Variants in GALNT9 observed in about 807,000 individuals in gnomAD.
The protein encoded by GALNT9 is polypeptide N-acetylgalactosaminyltransferase 9, also known as GalNAc transferase 9.
Under a neutral mutation model 63.1 loss-of-function variants are expected in GALNT9, and 47 were observed. The observed-to-expected ratio is 0.75, with a 90% confidence interval of 0.59 to 0.95. The LOEUF is 0.95. GALNT9 is among the 40% of genes least tolerant of loss of function. The pLI, the probability that GALNT9 is intolerant of heterozygous loss-of-function variation, is 0.00. For missense variants in GALNT9, 829 were observed against 874.8 expected, an observed-to-expected ratio of 0.95 and a Z score of 0.66; for synonymous variants, 396 against 365.7, an observed-to-expected ratio of 1.08 and a Z score of -0.94.
At chr12:132,241,552 A>C (rs2136901695) in intron 6 of GALNT9, among the ~76,000 whole-genome samples, 31 of 70,330 alleles carry the variant, frequency 4.4e-4, no homozygotes, top group East Asian at 3.0e-3. Flanking sequence ...CCCTCCCTAT[A>C]CCCATTACAC....
chr12:132,324,240 C>G, intron 1 of GALNT9, among the ~76,000 whole-genome samples: 1 of 152,104 alleles, frequency 6.6e-6, no homozygotes. Context: ...GGAGAGTGTG[C>G]CGGAGCCGGC....
At chr12:132,226,388 CCA>C (rs1877688477) in intron 6 of GALNT9, among the ~76,000 whole-genome samples, 1 of 149,620 alleles carries the variant, frequency 6.7e-6, no homozygotes, top group Non-Finnish European at 1.5e-5. Context: ...CATACACATC[CCA>C]CACACATACA....
intron 6 of GALNT9, among the ~76,000 whole-genome samples, chr12:132,243,802 G>T (rs2136905964): frequency 6.6e-5 from 10 of 152,162 alleles, no homozygotes; most frequent in Admixed American, 2.6e-4. Context: ...TGGGGACTGG[G>T]AATCAGCCGC....
chr12:132,248,053 G>A (rs1361320132), intron 5 of GALNT9, 26 bp from the exon 6 acceptor site: 2 of 1,537,792 alleles, frequency 1.3e-6, no homozygotes, highest in African/African-American at 1.4e-5. Flanking sequence ...AGCGGCGTGA[G>A]GACCTCGCCA....
At chr12:132,320,742 C>T (rs1221455920) in intron 1 of GALNT9, among the ~76,000 whole-genome samples, 1 of 130,178 alleles carries the variant, frequency 7.7e-6, no homozygotes, top group Non-Finnish European at 1.7e-5. Flanking sequence ...CCACCAGGTG[C>T]CCTCGGGGTT....
At chr12:132,256,814 T>C (rs1205454561) in intron 5 of GALNT9, among the ~76,000 whole-genome samples, 3 of 152,190 alleles carry the variant, frequency 2.0e-5, no homozygotes, top group Admixed American at 6.5e-5. Flanking sequence ...TTGTCAACAT[T>C]TGGTATTGTC....
chr12:132,290,913 A>G (rs1555242656), intron 1 of GALNT9, among the ~76,000 whole-genome samples: 2 of 44,416 alleles, frequency 4.5e-5, no homozygotes, highest in Non-Finnish European at 3.7e-5. Context: ...CGTCCACAGC[A>G]CCCACATCCA....
At chr12:132,206,917 T>C (rs1876732058) in intron 6 of GALNT9, among the ~76,000 whole-genome samples, 1 of 151,702 alleles carries the variant, frequency 6.6e-6, no homozygotes, top group Admixed American at 6.6e-5. Context: ...AAAACAAAAT[T>C]AGCCAGGTGT....
chr12:132,322,384 G>A (rs562066245), intron 1 of GALNT9, among the ~76,000 whole-genome samples: 143 of 152,356 alleles, frequency 9.4e-4, no homozygotes, highest in African/African-American at 2.8e-3. Context: ...TCACGAATTC[G>A]CCAGGAAGGA....
intron 1 of GALNT9, among the ~76,000 whole-genome samples, chr12:132,290,868 G>GC (rs1880796377): frequency 6.3e-5 from 1 of 15,846 alleles, no homozygotes; most frequent in African/African-American, 4.2e-4. Flanking sequence ...CAACCACAGC[G>GC]CCCACGTCCA....
chr12:132,288,795 G>A (rs890145038), intron 1 of GALNT9, among the ~76,000 whole-genome samples: 33 of 149,236 alleles, frequency 2.2e-4, no homozygotes, highest in Admixed American at 9.3e-4. Context: ...GATGCCCAGC[G>A]TTGGAACCGG....
chr12:132,264,389 G>A (rs57495135), intron 2 of GALNT9, among the ~76,000 whole-genome samples: 12,173 of 152,318 alleles, frequency 0.08, 1,612 homozygotes, highest in African/African-American at 0.27. Context: ...GCCTAAGCAG[G>A]AAGGGGGCTG....
At position 132,315,479 on chromosome 12, in the gene GALNT9, C is replaced by A. The variant is rs955224372; in HGVS notation, c.238+13487G>T. On this transcript the variant is annotated intron_variant, in intron 1 of 10. Coordinates refer to ENST00000328957, the MANE Select transcript of GALNT9 (RefSeq NM_001122636.2). The surrounding 1 kb of genome is among the most constrained non-coding windows in gnomAD (Gnocchi z 6.1). Reference sequence around the variant, plus strand: ...TTGCAGAATTCAGACCCCGTCTGTTCTTTTCTGACTTAGAAATAAAATCAG... The same window carrying A: ...TTGCAGAATTCAGACCCCGTCTGTTATTTTCTGACTTAGAAATAAAATCAG... Among the ~76,000 whole-genome samples the A allele has an allele frequency of 6.6e-6, 1 of 152,246 alleles. No individual in the cohort carries two copies. Among genetic ancestry groups the A allele is most frequent in the Non-Finnish European group, 1.5e-5 (1 of 68,042 alleles).
intron 4 of GALNT9, among the ~76,000 whole-genome samples, chr12:132,260,585 C>T (rs768511886): frequency 3.3e-5 from 5 of 152,184 alleles, no homozygotes; most frequent in Admixed American, 6.5e-5. Context: ...TCCCACCCCG[C>T]GGGGGACACA....
At position 132,296,082 on chromosome 12, in the gene GALNT9, A is replaced by G. The variant is rs1263222549; in HGVS notation, c.239-9652T>C. Among the ~76,000 whole-genome samples, 4 of 139,124 alleles carry G rather than the reference A, an allele frequency of 2.9e-5. No homozygotes were observed. The highest frequency in any genetic ancestry group is 6.1e-5 in the Non-Finnish European group (4 of 65,536). The allele number at this position is 139,124 out of a possible 152,430, so 91.3% of individuals were successfully genotyped here. On this transcript the variant is annotated intron_variant, in intron 1 of 10. Transcript: ENST00000328957. This position sits in a 1 kb window ranked among gnomAD's most constrained non-coding sequence, Gnocchi z 4.2. ...CAGGGAGAGGCTCCGGAACAGGGAG[A>G]GCCTCCGAACAGGGAGAGCCTCCGA...
At chr12:132,250,728 T>C (rs1255278817) in intron 5 of GALNT9, among the ~76,000 whole-genome samples, 1 of 151,960 alleles carries the variant, frequency 6.6e-6, no homozygotes, top group Non-Finnish European at 1.5e-5. Flanking sequence ...GAGGCGGAGG[T>C]TGCAGTGGAC....
intron 1 of GALNT9, among the ~76,000 whole-genome samples, chr12:132,292,299 G>A (rs1472448975): frequency 1.3e-5 from 2 of 152,202 alleles, no homozygotes; most frequent in African/African-American, 2.4e-5. Flanking sequence ...CTGGAGAGCC[G>A]CCTGAGGTGG....
chr12:132,252,282 C>T lies in GALNT9; in HGVS notation c.960-4255G>A, dbSNP rs116420039. Among the ~76,000 whole-genome samples, 1,832 of 152,312 alleles carry T rather than the reference C, an allele frequency of 0.012. 31 individuals are homozygous for T. Among genetic ancestry groups the T allele is most frequent in the African/African-American group, 0.041 (1,722 of 41,566 alleles). ...TGAACGCAGGAAGGGCAGAGAGTCC[C>T]AGGCACATGGGCACCTCCTGCAGCC... On this transcript the variant is annotated intron_variant, in intron 5 of 10. Transcript: ENST00000328957. The surrounding 1 kb of genome is among the most constrained non-coding windows in gnomAD (Gnocchi z 5.2).
chr12:132,311,189 G>T (rs2135583700), intron 1 of GALNT9, among the ~76,000 whole-genome samples: 1 of 152,320 alleles, frequency 6.6e-6, no homozygotes, highest in South Asian at 2.1e-4. Flanking sequence ...CCTGCAATTT[G>T]CTTTTTCCCT....
Sources: gnomAD v4.1 joint callset for allele counts (sites outside exome capture counted in the v4.1 genomes callset) on GRCh38, gnomAD v4.1.1 for gene constraint, Gnocchi (gnomAD v3.1) non-coding constraint, MANE v1.5 for transcripts, NCBI Gene and HGNC (gene_info 2026-07-23, HGNC 2026-07-21) for gene names.